MYLK: variants seen among roughly 807,000 people sequenced by gnomAD.
MYLK encodes the protein myosin light chain kinase.
In MYLK, 106 loss-of-function variants were observed where a neutral mutation model predicts 203.4. That is an observed-to-expected ratio of 0.52 (90% CI 0.45 to 0.61). MYLK has a LOEUF of 0.61. Ranked by LOEUF, MYLK falls within the 20% of genes least tolerant of loss-of-function variation. MYLK has a pLI of 0.00. For missense variants in MYLK, 2,072 were observed against 2,442.3 expected, an observed-to-expected ratio of 0.85 and a Z score of 3.20; for synonymous variants, 867 against 959.5, an observed-to-expected ratio of 0.90 and a Z score of 1.78.
At chr3:123,813,754 G>A (rs1297035304) in intron 3 of MYLK, among the ~76,000 whole-genome samples, 1 of 152,016 alleles carries the variant, frequency 6.6e-6, no homozygotes, top group East Asian at 1.9e-4. Context: ...CAAGCAATCT[G>A]CCTGCCTTAG....
chr3:123,692,976 T>C, intron 18 of MYLK, 125 bp from the exon 19 acceptor site: 1 of 798,206 alleles, frequency 1.3e-6, no homozygotes. Flanking sequence ...AGAGGCCTTG[T>C]GGGAACCAAT....
intron 20 of MYLK, 64 bp from the exon 21 acceptor site, chr3:123,667,251 C>G (rs2059767501): frequency 2.6e-6 from 4 of 1,512,044 alleles, no homozygotes; most frequent in Non-Finnish European, 3.7e-6. Flanking sequence ...GCTCCTGATC[C>G]TAGGAAGATG....
chr3:123,797,021 T>C (rs2065011554), intron 3 of MYLK, among the ~76,000 whole-genome samples: 1 of 152,134 alleles, frequency 6.6e-6, no homozygotes, highest in Admixed American at 6.5e-5. Flanking sequence ...AATCCAACAG[T>C]GAGAACTGGT....
intron 13 of MYLK, among the ~76,000 whole-genome samples, chr3:123,712,390 G>A (rs541394690): frequency 2.6e-5 from 4 of 152,308 alleles, no homozygotes; most frequent in East Asian, 1.9e-4. Context: ...CAATCTCAGC[G>A]AGTCCCCAGC....
At chr3:123,660,374 T>C (rs968947176) in intron 23 of MYLK, among the ~76,000 whole-genome samples, 3 of 152,318 alleles carry the variant, frequency 2.0e-5, no homozygotes. Flanking sequence ...CTCTCTACTT[T>C]GTTTTTCTCC....
intron 2 of MYLK, among the ~76,000 whole-genome samples, chr3:123,841,068 G>A (rs1436912094): frequency 2.0e-5 from 3 of 152,102 alleles, no homozygotes; most frequent in Admixed American, 1.3e-4. Flanking sequence ...GAAAGAGCTT[G>A]TTACATATAG....
At chr3:123,800,027 T>C (rs563492198) in intron 3 of MYLK, 1 of 152,184 alleles carries the variant, frequency 6.6e-6, no homozygotes, top group South Asian at 2.1e-4. Flanking sequence ...TGCTCGCAGA[T>C]GGTGCAATTT....
intron 4 of MYLK, among the ~76,000 whole-genome samples, chr3:123,778,607 T>G (rs1576942478): frequency 2.0e-5 from 3 of 151,682 alleles, no homozygotes; most frequent in Middle Eastern, 3.5e-3. Flanking sequence ...CCTGAGATTG[T>G]CAGACCCGCC....
At chr3:123,828,265 C>A (rs555749444) in intron 3 of MYLK, among the ~76,000 whole-genome samples, 1 of 152,094 alleles carries the variant, frequency 6.6e-6, no homozygotes, top group Non-Finnish European at 1.5e-5. Flanking sequence ...GACACATAGA[C>A]CAACGGAACA....
At chr3:123,811,549 C>T (rs1181903495) in intron 3 of MYLK, among the ~76,000 whole-genome samples, 1 of 152,200 alleles carries the variant, frequency 6.6e-6, no homozygotes, top group African/African-American at 2.4e-5. Flanking sequence ...CTTGTCTACT[C>T]CTGAACTTGA....
chr3:123,725,953 G>C lies in MYLK; in HGVS notation c.1642C>G (p.Leu548Val). ...GGCAGGGGGAACTCACCATTCAGCA[G>C]CCAAGTGATCCGGGGCACTGGGGTC... ...RGTPVPRITW[L>V]LNGQPIQYAR... The change falls in exon 12 of 34, where the codon CTG becomes GTG. Residue 548 changes from leucine to valine, a missense_variant. Transcript: ENST00000360304. 1 of 1,613,928 alleles carries C rather than the reference G, an allele frequency of 6.2e-7. No individual in the cohort carries two copies. Among genetic ancestry groups the C allele is most frequent in the Non-Finnish European group, 8.5e-7 (1 of 1,179,844 alleles).
chr3:123,692,940 G>C, intron 18 of MYLK, 89 bp from the exon 19 acceptor site: 1 of 1,152,376 alleles, frequency 8.7e-7, no homozygotes, highest in Non-Finnish European at 1.3e-6. Flanking sequence ...TTACTCGCAC[G>C]GGCAGCCTCT....
chr3:123,683,211 G>T (rs1054421182), intron 19 of MYLK, among the ~76,000 whole-genome samples: 1 of 151,832 alleles, frequency 6.6e-6, no homozygotes, highest in East Asian at 2.0e-4. Context: ...CTTTGGGGAC[G>T]GCGCTGAGAG....
At chr3:123,832,064 C>T (rs1249023480) in intron 2 of MYLK, among the ~76,000 whole-genome samples, 1 of 152,170 alleles carries the variant, frequency 6.6e-6, no homozygotes, top group African/African-American at 2.4e-5. Flanking sequence ...GGAGCTGGCT[C>T]CTGGCTATCA....
rs777358571 is a variant in MYLK, at chr3:123,700,595, G to T, written c.2873C>A (p.Ala958Asp). Residue 958 changes from alanine to aspartate, a missense_variant, in exon 18 of 34, where the codon GCC (alanine) becomes GAC (aspartate). By Grantham distance (126) the Ala-to-Asp change is moderately radical (BLOSUM62 -2). Transcript: ENST00000360304. ...PQQVDFRSVL[A>D]KKGTSKTPVP... is the part of the protein sequence containing the mutation. The stretch of plus-strand genomic sequence containing the variant: ...GGGGGTCTTGGAAGTCCCCTTCTTG[G>T]CCAGGACAGAGCGAAAATCGACCTG... The T allele has an allele frequency of 3.1e-6, 5 of 1,613,604 alleles. No homozygotes were observed. The African/African-American group carries it at 6.7e-5, about 22-fold the overall frequency.
At chr3:123,646,033 A>G (rs1295625441) in intron 27 of MYLK, among the ~76,000 whole-genome samples, 2 of 152,166 alleles carry the variant, frequency 1.3e-5, no homozygotes, top group African/African-American at 2.4e-5. Flanking sequence ...GTGAGGTGGG[A>G]GGATCGCTTG....
At chr3:123,736,089 G>A (rs1460785849) in intron 8 of MYLK, among the ~76,000 whole-genome samples, 1 of 152,140 alleles carries the variant, frequency 6.6e-6, no homozygotes, top group African/African-American at 2.4e-5. Context: ...TGGGTGTCTG[G>A]TGGCATCTCC....
intron 11 of MYLK, among the ~76,000 whole-genome samples, chr3:123,732,122 G>T (rs779639237): frequency 3.3e-5 from 5 of 152,058 alleles, no homozygotes; most frequent in African/African-American, 4.8e-5. Context: ...ATTTCTCAAG[G>T]GTATGGCATG....
intron 13 of MYLK, among the ~76,000 whole-genome samples, chr3:123,712,584 T>C (rs115695332): frequency 0.012 from 1,783 of 152,306 alleles, 16 homozygotes; most frequent in Non-Finnish European, 0.018. Flanking sequence ...GTCTCAGCCA[T>C]TGGGGACTAA....
Sources: allele counts gnomAD v4.1 joint callset (sites outside exome capture counted in the v4.1 genomes callset), GRCh38; gene constraint gnomAD v4.1.1; transcripts MANE v1.5; gene names NCBI Gene and HGNC (gene_info 2026-07-23, HGNC 2026-07-21).